The following CHST6 variants were observed in gnomAD, a reference collection of about 807,000 sequenced individuals.
CHST6 encodes the protein carbohydrate sulfotransferase 6.
For synonymous variants in CHST6, 309 were observed against 276.4 expected, an observed-to-expected ratio of 1.12 and a Z score of -1.17; for missense variants, 698 against 586.2, an observed-to-expected ratio of 1.19 and a Z score of -1.97.
intron 1 of CHST6, among the ~76,000 whole-genome samples, chr16:75,484,079 T>C (rs929576917): frequency 6.6e-6 from 1 of 152,130 alleles, no homozygotes; most frequent in Non-Finnish European, 1.5e-5. Flanking sequence ...GACTCACGCC[T>C]GTAAACCCAG....
chr16:75,492,929 G>T (rs1309619920), intron 1 of CHST6, among the ~76,000 whole-genome samples: 1 of 151,906 alleles, frequency 6.6e-6, no homozygotes, highest in Non-Finnish European at 1.5e-5. Flanking sequence ...ATTCTGATTT[G>T]AAAAAAACAT....
rs1436451512 is a variant in CHST6, at chr16:75,472,396, A to G, written c.*6245T>C. 2 of 152,230 alleles carry G rather than the reference A, an allele frequency of 1.3e-5. No individual in the cohort carries two copies. The highest frequency in any genetic ancestry group is 2.4e-5 in the African/African-American group (1 of 41,460). 9.4% of individuals were successfully genotyped at this position (152,230 alleles called of 1,614,324 possible). On this transcript the variant is annotated 3_prime_UTR_variant, in exon 3 of 3. Coordinates refer to ENST00000332272, the MANE Select transcript of CHST6 (RefSeq NM_021615.5). Reference sequence around the variant, plus strand: ...AGAAACCATTTGCACAACAAAAATAACAAAGCATATTCAAAAGAGGCTGTG... The same window carrying G: ...AGAAACCATTTGCACAACAAAAATAGCAAAGCATATTCAAAAGAGGCTGTG...
rs1190308579 is a variant in CHST6 at position 75,479,254 on chromosome 16, G to A, written c.575C>T (p.Ala192Val). Reference sequence around the variant, plus strand: ...CAGGTGCACGATGCGTAGGTTGAGCGCGGGGTCGCTGAGCAGCGGGTAGAG... The same window carrying A: ...CAGGTGCACGATGCGTAGGTTGAGCACGGGGTCGCTGAGCAGCGGGTAGAG... ...QVLYPLLSDP[A>V]LNLRIVHLVR... is the part of the protein sequence containing the mutation. Residue 192 changes from alanine (A) to valine (V), a missense_variant, in exon 3 of 3, where the codon GCG becomes GTG. Transcript: ENST00000332272. 6.2e-7 allele frequency: 1 copy of A among 1,612,412 alleles called. No individual in the cohort carries two copies. The highest frequency in any genetic ancestry group is 1.1e-5 in the South Asian group (1 of 91,084).
rs72547540 is a variant in CHST6 at position 75,479,083 on chromosome 16, T to C, written c.746A>G (p.His249Arg). The change falls in exon 3 of 3, where the codon CAC (histidine) becomes CGC (arginine). Residue 249 changes from histidine (H) to arginine (R), a missense_variant. His to Arg is a conservative substitution (Grantham distance 29). Transcript: ENST00000332272. ...TGTGGCGGCCTCGGCGATGCGTACG[T>C]GGCTACGGCACACCTCGCGCACCAC... ...LRVVREVCRSHVRIAEAATLK... is the reference protein window; with the variant it reads ...LRVVREVCRSRVRIAEAATLK... 2 of 1,605,584 alleles carry C rather than the reference T, an allele frequency of 1.2e-6. No individual in the cohort carries two copies. Among genetic ancestry groups the C allele is most frequent in the Non-Finnish European group, 1.7e-6 (2 of 1,179,120 alleles).
chr16:75,478,705 A>C lies in CHST6; in HGVS notation c.1124T>G (p.Val375Gly), dbSNP rs142097284. The stretch of plus-strand genomic sequence containing the variant: ...GAAGCCGTTCAGGCCTCGTGGCAGC[A>C]CCAGATCAAGGGCGAGGTTGCGCTG... ...DEQRNLALDL[V>G]LPRGLNGFTW... The change falls in exon 3 of 3, where the codon GTG (valine) becomes GGG (glycine). Residue 375 changes from valine to glycine, a missense_variant. Coordinates refer to ENST00000332272, the MANE Select transcript of CHST6 (RefSeq NM_021615.5). 943 of 1,613,530 alleles carry C rather than the reference A, an allele frequency of 5.8e-4. No homozygotes were observed. Among genetic ancestry groups the C allele is most frequent in the Non-Finnish European group, 7.5e-4 (888 of 1,180,018 alleles).
chr16:75,489,563 A>G (rs757217439), intron 1 of CHST6, among the ~76,000 whole-genome samples: 4 of 151,786 alleles, frequency 2.6e-5, no homozygotes, highest in African/African-American at 4.9e-5. Context: ...ACATATATAC[A>G]TTTCTCCCAT....
At chr16:75,492,854 A>G (rs1354456607) in intron 1 of CHST6, among the ~76,000 whole-genome samples, 1 of 152,132 alleles carries the variant, frequency 6.6e-6, no homozygotes, top group Non-Finnish European at 1.5e-5. Context: ...ATCTCAAACA[A>G]AAACAAAAAC....
chr16:75,479,696 C>T lies in CHST6; in HGVS notation c.133G>A (p.Val45Met). 1 of 1,611,958 alleles carries T rather than the reference C, an allele frequency of 6.2e-7. No individual in the cohort carries two copies. Among genetic ancestry groups the T allele is most frequent in the Non-Finnish European group, 8.5e-7 (1 of 1,179,376 alleles). Residue 45 changes from valine (V) to methionine (M), a missense_variant, in exon 3 of 3, where the codon GTG becomes ATG. Transcript: ENST00000332272. ...GAGCCCGAGCGCCACGAGGACAGCA[C>T]CAGCACATGCACGCGCGCCTCGCCG... The part of the protein sequence containing the change: ...AGGEARVHVL[V>M]LSSWRSGSSF...
chr16:75,491,764 T>G (rs1284232142), intron 1 of CHST6, among the ~76,000 whole-genome samples: 1 of 152,180 alleles, frequency 6.6e-6, no homozygotes, highest in Non-Finnish European at 1.5e-5. Context: ...TTCTAGTTGG[T>G]TAAAGGAGGC....
At chr16:75,491,187 A>T (rs1271908956) in intron 1 of CHST6, among the ~76,000 whole-genome samples, 4 of 81,180 alleles carry the variant, frequency 4.9e-5, no homozygotes, top group Non-Finnish European at 9.1e-5. Flanking sequence ...AAAAAAAAAA[A>T]AAAATATATA....
intron 2 of CHST6, among the ~76,000 whole-genome samples, chr16:75,480,358 T>C (rs927704910): frequency 4.6e-5 from 7 of 152,258 alleles, no homozygotes; most frequent in Middle Eastern, 3.4e-3. Context: ...CTGACATACA[T>C]AGCCTGTGAT....
intron 1 of CHST6, among the ~76,000 whole-genome samples, chr16:75,489,910 C>T (rs188787909): frequency 6.6e-6 from 1 of 152,028 alleles, no homozygotes; most frequent in Non-Finnish European, 1.5e-5. Context: ...GGCGCAGTGG[C>T]CCATGCCTGT....
intron 1 of CHST6, among the ~76,000 whole-genome samples, chr16:75,493,605 T>C (rs1381777270): frequency 6.6e-6 from 1 of 152,042 alleles, no homozygotes; most frequent in African/African-American, 2.4e-5. Flanking sequence ...TGGATATTTG[T>C]AAAGCAGAAC....
At chr16:75,491,232 C>A (rs1171085931) in intron 1 of CHST6, among the ~76,000 whole-genome samples, 62 of 106,222 alleles carry the variant, frequency 5.8e-4, no homozygotes, top group South Asian at 3.4e-3. Flanking sequence ...ATATAATATA[C>A]TTATATATAA....
In CHST6 at chr16:75,472,105, C is replaced by CATAA. The variant is rs2080028157; in HGVS notation, c.*6532_*6535dup. 1 of 152,180 alleles carries CATAA rather than the reference C, an allele frequency of 6.6e-6. No individual in the cohort carries two copies. Among genetic ancestry groups the CATAA allele is most frequent in the Non-Finnish European group, 1.5e-5 (1 of 68,034 alleles). 9.4% of individuals were successfully genotyped at this position (152,180 alleles called of 1,614,324 possible). ...GCAGGACAAAGTCGTTTCAACAAGA[C>CATAA]ATAAAATCCACTGGCCATAAGGAAA... On this transcript the variant is annotated 3_prime_UTR_variant, in exon 3 of 3. Transcript: ENST00000332272.
chr16:75,488,498 C>T (rs1260076947), intron 1 of CHST6, among the ~76,000 whole-genome samples: 1 of 150,474 alleles, frequency 6.6e-6, no homozygotes, highest in East Asian at 2.0e-4. Context: ...AAAAGAATCC[C>T]AAAGGCTGGA....
At chr16:75,491,190 AATATATATATAT>A (rs1555501738) in intron 1 of CHST6, among the ~76,000 whole-genome samples, 1 of 50,092 alleles carries the variant, frequency 2.0e-5, no homozygotes, top group Non-Finnish European at 3.0e-5. Flanking sequence ...AAAAAAAAAA[AATATATATATAT>A]ATATATATAT....
chr16:75,485,111 AT>A (rs1034583652), intron 1 of CHST6, among the ~76,000 whole-genome samples: 1 of 152,100 alleles, frequency 6.6e-6, no homozygotes, highest in Non-Finnish European at 1.5e-5. Context: ...AAATGATCAT[AT>A]TTTTTCAGGA....
At position 75,478,418 on chromosome 16, in the gene CHST6, C is replaced by T; in HGVS notation, c.*223G>A. On this transcript the variant is annotated 3_prime_UTR_variant, in exon 3 of 3. Transcript: ENST00000332272. ...AGGAGGAGGGGCAAGAGTTGCTTTCCATGAAGAGTGCACCTGATGAGAAGG... is the reference window on the plus strand; with the variant it reads ...AGGAGGAGGGGCAAGAGTTGCTTTCTATGAAGAGTGCACCTGATGAGAAGG... 1.7e-6 allele frequency: 1 copy of T among 588,754 alleles called. No individual in the cohort carries two copies. The highest frequency in any genetic ancestry group is 2.0e-5 in the South Asian group (1 of 50,332). The allele number at this position is 588,754 out of a possible 1,614,324, so 36.5% of individuals were successfully genotyped here. A position where few individuals can be genotyped will look rare whatever the true frequency, so the allele number is the denominator to read the frequency against.
Sources: allele counts gnomAD v4.1 joint callset (sites outside exome capture counted in the v4.1 genomes callset), GRCh38; gene constraint gnomAD v4.1.1; transcripts MANE v1.5; gene names NCBI Gene and HGNC (gene_info 2026-07-23, HGNC 2026-07-21).